The following DLG2 variants were observed in gnomAD, a reference collection of about 807,000 sequenced individuals.
DLG2 encodes discs large MAGUK scaffold protein 2, also known as disks large homolog 2.
A neutral mutation model predicts 132.5 loss-of-function variants in DLG2; 45 were observed. That is an observed-to-expected ratio of 0.34 (90% CI 0.27 to 0.44). The LOEUF (loss-of-function observed/expected upper bound fraction) is 0.44, where lower values mean the gene tolerates loss of function less well. Ranked by LOEUF, DLG2 falls within the 20% of genes least tolerant of loss-of-function variation. DLG2 has a pLI of 1.00. For missense variants in DLG2, 1,045 were observed against 1,196.9 expected (o/e 0.87, Z 1.87); for synonymous variants, 424 against 419.6 (o/e 1.01, Z -0.13).
chr11:84,623,079 T>A (rs4474461), intron 6 of DLG2, among the ~76,000 whole-genome samples: 55,712 of 151,898 alleles, frequency 0.37, 11,346 homozygotes, highest in African/African-American at 0.54. Context: ...TATCAGTTGT[T>A]TGAAGAGTAC....
intron 9 of DLG2, among the ~76,000 whole-genome samples, chr11:84,145,276 T>C (rs769241226): frequency 6.6e-6 from 1 of 152,228 alleles, no homozygotes; most frequent in Non-Finnish European, 1.5e-5. Flanking sequence ...GAGAAATAGA[T>C]TGTTAGGCAA....
intron 6 of DLG2, among the ~76,000 whole-genome samples, chr11:84,918,820 G>T (rs1394944743): frequency 4.6e-5 from 7 of 151,980 alleles, no homozygotes. Context: ...AATTTAACCA[G>T]CATTAAGATA....
chr11:84,052,198 C>T (rs1012761367), intron 11 of DLG2, among the ~76,000 whole-genome samples: 2 of 151,746 alleles, frequency 1.3e-5, no homozygotes, highest in Admixed American at 6.6e-5. Flanking sequence ...ATAACTCAAA[C>T]CTGTTAGAAA....
chr11:84,020,430 A>G (rs527647052), intron 11 of DLG2, among the ~76,000 whole-genome samples: 111 of 152,316 alleles, frequency 7.3e-4, no homozygotes, highest in African/African-American at 2.5e-3. Context: ...ATAAATAAAA[A>G]TGAGTCCACT....
At chr11:84,122,812 G>C (rs111941829) in intron 9 of DLG2, among the ~76,000 whole-genome samples, 1,602 of 152,030 alleles carry the variant, frequency 0.011, 12 homozygotes, top group Non-Finnish European at 0.015. Flanking sequence ...GGAAGAGACA[G>C]ACCAAACATA....
chr11:84,634,149 T>C (rs1247636525), intron 6 of DLG2, among the ~76,000 whole-genome samples: 3 of 152,136 alleles, frequency 2.0e-5, no homozygotes, highest in African/African-American at 7.2e-5. Context: ...AAATCTGGAT[T>C]TGAGATCTTT....
At chr11:85,334,800 G>A (rs2082014088) in intron 3 of DLG2, among the ~76,000 whole-genome samples, 1 of 152,128 alleles carries the variant, frequency 6.6e-6, no homozygotes, top group Admixed American at 6.5e-5. Flanking sequence ...TGGTTGGTAT[G>A]ATTTCATTTT....
At chr11:85,144,143 C>T (rs1397546310) in intron 5 of DLG2, among the ~76,000 whole-genome samples, 1 of 151,678 alleles carries the variant, frequency 6.6e-6, no homozygotes, top group Non-Finnish European at 1.5e-5. Flanking sequence ...ATTGTTATAT[C>T]CTCTTGCCAA....
rs79792411 is a variant in DLG2, at chr11:83,666,071, C to T, written c.1826-32746G>A. 5.5e-4 allele frequency among the ~76,000 whole-genome samples: 84 copies of T among 152,206 alleles called. No homozygotes were observed. The East Asian group carries it at 0.013, about 24-fold the overall frequency. The stretch of plus-strand genomic sequence containing the variant: ...CTAGCATTATTTTCAAGATTAGCCC[C>T]TTCCATTTGCTAGATATATCTCATT... On this transcript the variant is annotated intron_variant, in intron 18 of 27. Transcript: ENST00000376104.
Position 85,502,062 on chromosome 11 carries a change from T to G in DLG2, c.40+96595A>C, listed in dbSNP as rs375239897. On this transcript the variant is annotated intron_variant, in intron 3 of 27. Transcript: ENST00000376104. The stretch of plus-strand genomic sequence containing the variant: ...GACTGGATTAAGAAAATGTGGCACA[T>G]ATACTCCATGGAATACTATGCAGCC... Among the ~76,000 whole-genome samples, 1,475 of 152,198 alleles carry G rather than the reference T, an allele frequency of 9.7e-3. 32 individuals are homozygous for G. The highest frequency in any genetic ancestry group is 0.034 in the African/African-American group (1,418 of 41,494).
chr11:84,880,039 T>A (rs1245319592), intron 6 of DLG2, among the ~76,000 whole-genome samples: 2 of 152,054 alleles, frequency 1.3e-5, no homozygotes, highest in South Asian at 2.1e-4. Context: ...AGTGATTTTT[T>A]AAAAAAGCAC....
At chr11:84,360,008 T>C (rs1362429115) in intron 7 of DLG2, among the ~76,000 whole-genome samples, 1 of 151,800 alleles carries the variant, frequency 6.6e-6, no homozygotes, top group Non-Finnish European at 1.5e-5. Flanking sequence ...ATTGGTAGCT[T>C]AGTAATGCAA....
chr11:83,731,911 C>A (rs2091079699), intron 18 of DLG2, among the ~76,000 whole-genome samples: 2 of 152,146 alleles, frequency 1.3e-5, no homozygotes, highest in African/African-American at 4.8e-5. Context: ...TAAATTAGTA[C>A]CTTTAAAGCA....
At chr11:84,587,185 G>A (rs1201586666) in intron 6 of DLG2, among the ~76,000 whole-genome samples, 1 of 152,196 alleles carries the variant, frequency 6.6e-6, no homozygotes, top group Non-Finnish European at 1.5e-5. Flanking sequence ...GAAAGTAGCA[G>A]AAGGAACTTG....
intron 8 of DLG2, among the ~76,000 whole-genome samples, chr11:84,182,521 C>A (rs1205955285): frequency 3.3e-5 from 5 of 149,970 alleles, no homozygotes; most frequent in Non-Finnish European, 7.4e-5. Context: ...AAAGTGAGAC[C>A]CTGTCTCAAA....
intron 7 of DLG2, among the ~76,000 whole-genome samples, chr11:84,448,360 A>T (rs2099041646): frequency 6.6e-6 from 1 of 152,060 alleles, no homozygotes. Context: ...AGCTCAAATA[A>T]TGTATTAGTC....
chr11:84,342,784 C>T (rs1567344661), intron 7 of DLG2, among the ~76,000 whole-genome samples: 1 of 152,134 alleles, frequency 6.6e-6, no homozygotes, highest in Non-Finnish European at 1.5e-5. Context: ...CAACACCAAA[C>T]ATATTTATTG....
intron 18 of DLG2, among the ~76,000 whole-genome samples, chr11:83,778,174 C>A (rs1682293340): frequency 6.6e-6 from 1 of 152,086 alleles, no homozygotes; most frequent in African/African-American, 2.4e-5. Flanking sequence ...TATCTCTGTG[C>A]AACATTCTTT....
At chr11:83,549,839 G>A (rs550426209) in intron 19 of DLG2, among the ~76,000 whole-genome samples, 3 of 152,292 alleles carry the variant, frequency 2.0e-5, no homozygotes, top group African/African-American at 7.2e-5. Context: ...CAGATTTCTA[G>A]TCCTGGCTTC....
Sources: allele counts gnomAD v4.1 joint callset (sites outside exome capture counted in the v4.1 genomes callset), GRCh38; gene constraint gnomAD v4.1.1; transcripts MANE v1.5; gene names NCBI Gene and HGNC (gene_info 2026-07-23, HGNC 2026-07-21).